Variants in SPEF2 observed in about 807,000 individuals in gnomAD.
SPEF2 encodes the protein sperm flagella and cilia-associated protein 2.
In SPEF2, 187 loss-of-function variants were observed where a neutral mutation model predicts 224.6. That is an observed-to-expected ratio of 0.83 (90% confidence interval 0.74 to 0.94). The LOEUF (loss-of-function observed/expected upper bound fraction) is 0.94. Ranked by LOEUF, SPEF2 falls within the 40% of genes least tolerant of loss-of-function variation. The pLI is 0.00. For synonymous variants in SPEF2, 715 were observed against 707.3 expected (o/e 1.01, Z -0.17); for missense variants, 2,170 against 2,135.6 (o/e 1.02, Z -0.32).
At chr5:35,803,494 G>C (rs1242897229) in intron 34 of SPEF2, among the ~76,000 whole-genome samples, 1 of 152,216 alleles carries the variant, frequency 6.6e-6, no homozygotes, top group African/African-American at 2.4e-5. Flanking sequence ...GATTAAGCTA[G>C]TGGGTGGGAG....
chr5:35,638,551 C>T (rs1746147983), intron 2 of SPEF2, among the ~76,000 whole-genome samples: 1 of 152,192 alleles, frequency 6.6e-6, no homozygotes, highest in Non-Finnish European at 1.5e-5. Flanking sequence ...TCTACTCCTT[C>T]TCTAAACTCT....
At chr5:35,656,526 C>G (rs1748975122) in intron 7 of SPEF2, among the ~76,000 whole-genome samples, 1 of 152,032 alleles carries the variant, frequency 6.6e-6, no homozygotes. Context: ...AAATACCTAC[C>G]CATTTCAAGT....
At chr5:35,752,985 TC>T (rs1749896888) in intron 23 of SPEF2, among the ~76,000 whole-genome samples, 1 of 149,972 alleles carries the variant, frequency 6.7e-6, no homozygotes, top group African/African-American at 2.4e-5. Context: ...ATACTATAAA[TC>T]ATCATACTCT....
chr5:35,764,638 CT>C (rs1364855228), intron 26 of SPEF2: 4 of 456,112 alleles, frequency 8.8e-6, no homozygotes, highest in Admixed American at 2.4e-5. Flanking sequence ...GCAGCATCAA[CT>C]TTCCAAAAGA....
chr5:35,666,218 G>C (rs923590361), intron 8 of SPEF2, among the ~76,000 whole-genome samples: 1 of 152,110 alleles, frequency 6.6e-6, no homozygotes, highest in African/African-American at 2.4e-5. Context: ...TTACAGGAGG[G>C]AAGTCTTTTT....
intron 9 of SPEF2, among the ~76,000 whole-genome samples, chr5:35,669,775 C>G (rs1385323764): frequency 6.6e-6 from 1 of 152,010 alleles, no homozygotes; most frequent in South Asian, 2.1e-4. Flanking sequence ...TTTAAATGCT[C>G]TAGTATCAGT....
intron 19 of SPEF2, among the ~76,000 whole-genome samples, chr5:35,712,370 C>T (rs991390359): frequency 3.9e-5 from 6 of 152,258 alleles, no homozygotes; most frequent in African/African-American, 1.4e-4. Context: ...GCCGGGACTA[C>T]AGGTGCATGT....
chr5:35,694,205 T>C (rs974982308), intron 12 of SPEF2, 83 bp from the exon 13 acceptor site: 1 of 1,036,818 alleles, frequency 9.6e-7, no homozygotes, highest in African/African-American at 1.6e-5. Context: ...TTCTCAAACC[T>C]TTACTTATAG....
intron 28 of SPEF2, 87 bp from the exon 29 acceptor site, chr5:35,776,170 G>A (rs1753590002): frequency 7.5e-7 from 1 of 1,330,544 alleles, no homozygotes; most frequent in South Asian, 1.6e-5. Context: ...ACAAATTGAA[G>A]CACCAGTGGT....
chr5:35,655,625 G>T (rs971423280), intron 7 of SPEF2, among the ~76,000 whole-genome samples: 1 of 152,200 alleles, frequency 6.6e-6, no homozygotes, highest in Non-Finnish European at 1.5e-5. Context: ...AAGGTGGGAT[G>T]GTCGTGGTGG....
rs201797605 is a variant in SPEF2 at position 35,781,668 on chromosome 5, G to A, written c.4447+2322G>A. Reference sequence around the variant, plus strand: ...CAGAATTTACAAGGCTATACAATACGGTAGGATTTGGGGATTGTGATGATT... The same window carrying A: ...CAGAATTTACAAGGCTATACAATACAGTAGGATTTGGGGATTGTGATGATT... On this transcript the variant is annotated intron_variant, in intron 30 of 36. Transcript: ENST00000356031. 4.0e-5 allele frequency: 6 copies of A among 150,502 alleles called. No individual in the cohort carries two copies. The East Asian group carries it at 9.7e-4, about 24-fold the overall frequency. The allele number at this position is 150,502 out of a possible 1,614,324, so 9.3% of individuals were successfully genotyped here. A position where few individuals can be genotyped will look rare whatever the true frequency, so the allele number is the denominator to read the frequency against.
chr5:35,634,764 A>G (rs1212680093), intron 2 of SPEF2, among the ~76,000 whole-genome samples: 2 of 152,108 alleles, frequency 1.3e-5, no homozygotes, highest in Non-Finnish European at 2.9e-5. Flanking sequence ...CCTATATTGT[A>G]CATATCTATT....
At chr5:35,649,928 A>G (rs1747941592) in intron 6 of SPEF2, among the ~76,000 whole-genome samples, 1 of 152,250 alleles carries the variant, frequency 6.6e-6, no homozygotes, top group Non-Finnish European at 1.5e-5. Flanking sequence ...CTACCTAAAG[A>G]TAAAGCTCCT....
In SPEF2 at chr5:35,641,456, T is replaced by C; in HGVS notation, c.187T>C (p.Phe63Leu). ...SRVSSAKLNNFSRLEPTLNLL... is the reference protein window; with the variant it reads ...SRVSSAKLNNLSRLEPTLNLL... ...GGTTTCAAGTGCCAAACTTAATAATTTTTCTCGCTTGGAGCCAACACTTAA... is the reference window on the plus strand; with the variant it reads ...GGTTTCAAGTGCCAAACTTAATAATCTTTCTCGCTTGGAGCCAACACTTAA... The change falls in exon 3 of 37, where the codon TTT becomes CTT. Residue 63 changes from phenylalanine to leucine, a missense_variant. Physicochemically the swap from Phe to Leu is conservative, Grantham distance 22 (BLOSUM62 0). Transcript: ENST00000356031. 2 of 1,613,162 alleles carry C rather than the reference T, an allele frequency of 1.2e-6. No individual in the cohort carries two copies. The highest frequency in any genetic ancestry group is 2.2e-5 in the East Asian group (1 of 44,864).
intron 10 of SPEF2, chr5:35,670,431 CTT>C: frequency 8.3e-7 from 1 of 1,208,874 alleles, no homozygotes; most frequent in Non-Finnish European, 1.0e-6. Context: ...TCCTAGTAAT[CTT>C]AGGGGAGTGG....
chr5:35,659,351 T>C, intron 8 of SPEF2, 144 bp downstream of exon 8: 1 of 755,570 alleles, frequency 1.3e-6, no homozygotes, highest in South Asian at 2.0e-5. Flanking sequence ...CCCATTTTTA[T>C]TTTTGTATAA....
chr5:35,713,365 G>A lies in SPEF2; in HGVS notation c.2914+479G>A, dbSNP rs908759163. 2.6e-5 allele frequency among the ~76,000 whole-genome samples: 4 copies of A among 152,048 alleles called. No individual in the cohort carries two copies. The South Asian group carries it at 6.2e-4, about 24-fold the overall frequency. Reference sequence around the variant, plus strand: ...ATTTAATTTTTGCCATCTATTTTTAGTGGAACTCTTGAAGTTTTTGAGACC... The same window carrying A: ...ATTTAATTTTTGCCATCTATTTTTAATGGAACTCTTGAAGTTTTTGAGACC... On this transcript the variant is annotated intron_variant, in intron 20 of 36. Transcript: ENST00000356031.
At chr5:35,666,963 G>T in intron 8 of SPEF2, 109 bp from the exon 9 acceptor site, 6 of 975,330 alleles carry the variant, frequency 6.2e-6, no homozygotes, top group African/African-American at 1.7e-5. Context: ...TTTTCCTGGT[G>T]TGAGAAGAGG....
chr5:35,700,466 A>C, intron 15 of SPEF2, 30 bp from the exon 16 acceptor site: 1 of 1,581,032 alleles, frequency 6.3e-7, no homozygotes, highest in Non-Finnish European at 8.6e-7. Flanking sequence ...GTCTAACAAA[A>C]TATTCATGAG....
Sources: gnomAD v4.1 joint callset for allele counts (sites outside exome capture counted in the v4.1 genomes callset) on GRCh38, gnomAD v4.1.1 for gene constraint, MANE v1.5 for transcripts, NCBI Gene and HGNC (gene_info 2026-07-23, HGNC 2026-07-21) for gene names.